Variants in SH3RF3 observed in about 807,000 individuals in gnomAD.
SH3RF3 encodes E3 ubiquitin-protein ligase SH3RF3.
SH3RF3 carries 29 observed loss-of-function variants against 66.3 expected under a neutral mutation model. The observed-to-expected ratio is 0.44, with a 90% CI of 0.33 to 0.60. The LOEUF is 0.60. SH3RF3 is among the 20% of genes least tolerant of loss of function. The pLI is 0.04. For missense variants in SH3RF3, 1,194 were observed against 1,190.9 expected (o/e 1.00, Z -0.04); for synonymous variants, 583 against 532.0 (o/e 1.10, Z -1.32).
rs114656011 is a variant in SH3RF3, at chr2:109,275,536, C to T, written c.574-72138C>T. Among the ~76,000 whole-genome samples the T allele has an allele frequency of 3.4e-3, 522 of 152,266 alleles. 1 individual carries two copies. The highest frequency in any genetic ancestry group is 6.0e-3 in the Admixed American group (91 of 15,294). On this transcript the variant is annotated intron_variant, in intron 1 of 9. Coordinates refer to ENST00000309415, the MANE Select transcript of SH3RF3 (RefSeq NM_001099289.3). ...CCCGATGACCTAGTTGACTAGAAAGCGTCACAGGAAATGTGCAAGTTGGCT... is the reference window on the plus strand; with the variant it reads ...CCCGATGACCTAGTTGACTAGAAAGTGTCACAGGAAATGTGCAAGTTGGCT...
At chr2:109,183,907 G>A (rs964669167) in intron 1 of SH3RF3, among the ~76,000 whole-genome samples, 1 of 152,208 alleles carries the variant, frequency 6.6e-6, no homozygotes, top group Non-Finnish European at 1.5e-5. Flanking sequence ...TAGAATCCCA[G>A]AGACCTGTGC....
At chr2:109,282,312 G>A (rs1195121132) in intron 1 of SH3RF3, among the ~76,000 whole-genome samples, 3 of 152,038 alleles carry the variant, frequency 2.0e-5, no homozygotes, top group African/African-American at 7.2e-5. Flanking sequence ...GTTCATAATT[G>A]GTGCAAGTTG....
chr2:109,350,632 A>G (rs1682817616), intron 2 of SH3RF3, among the ~76,000 whole-genome samples: 1 of 152,186 alleles, frequency 6.6e-6, no homozygotes, highest in Non-Finnish European at 1.5e-5. Flanking sequence ...GGGCAACTCC[A>G]TGTGACTCTC....
chr2:109,309,647 A>G lies in SH3RF3; in HGVS notation c.574-38027A>G, dbSNP rs570704173. On this transcript the variant is annotated intron_variant, in intron 1 of 9. Coordinates refer to ENST00000309415, the MANE Select transcript of SH3RF3 (RefSeq NM_001099289.3). Reference sequence around the variant, plus strand: ...ACACACATAGGCTGAAAATAAAAGGATGGAGGAAGATCTACCAAGCAAATG... The same window carrying G: ...ACACACATAGGCTGAAAATAAAAGGGTGGAGGAAGATCTACCAAGCAAATG... Among the ~76,000 whole-genome samples, 3 of 128,574 alleles carry G rather than the reference A, an allele frequency of 2.3e-5. 1 individual carries two copies. Among genetic ancestry groups the G allele is most frequent in the African/African-American group, 7.6e-5 (2 of 26,330 alleles). 84.3% of individuals were successfully genotyped at this position (128,574 alleles called of 152,430 possible). A position where few individuals can be genotyped will look rare whatever the true frequency, so the allele number is the denominator to read the frequency against.
intron 1 of SH3RF3, among the ~76,000 whole-genome samples, chr2:109,179,552 CT>C (rs962893649): frequency 1.3e-5 from 2 of 152,164 alleles, no homozygotes; most frequent in African/African-American, 4.8e-5. Context: ...GTTCTGGAGA[CT>C]GGGAAGTCCA....
intron 8 of SH3RF3, among the ~76,000 whole-genome samples, chr2:109,450,270 C>CG (rs1559090061): frequency 6.6e-6 from 1 of 151,776 alleles, no homozygotes; most frequent in African/African-American, 2.4e-5. Context: ...CACTGGAAAC[C>CG]GGGGGGCAGA....
At chr2:109,217,222 C>A in intron 1 of SH3RF3, among the ~76,000 whole-genome samples, 1 of 152,174 alleles carries the variant, frequency 6.6e-6, no homozygotes, top group East Asian at 1.9e-4. Context: ...ATTCTGGGAG[C>A]AATCACTCTT....
At chr2:109,223,185 A>G (rs2105156074) in intron 1 of SH3RF3, among the ~76,000 whole-genome samples, 1 of 152,338 alleles carries the variant, frequency 6.6e-6, no homozygotes, top group South Asian at 2.1e-4. Flanking sequence ...GCTGCCACAG[A>G]TCATGAATGC....
chr2:109,142,311 T>C (rs1161054426), intron 1 of SH3RF3, among the ~76,000 whole-genome samples: 1 of 152,192 alleles, frequency 6.6e-6, no homozygotes, highest in East Asian at 1.9e-4. Context: ...TACAGTCTTA[T>C]TTTTTCTTAA....
chr2:109,191,978 G>A (rs534327203), intron 1 of SH3RF3, among the ~76,000 whole-genome samples: 2 of 152,194 alleles, frequency 1.3e-5, no homozygotes, highest in East Asian at 3.9e-4. Flanking sequence ...TCACACTCCA[G>A]CCCCTACAAA....
At chr2:109,346,458 A>G (rs749589602) in intron 1 of SH3RF3, among the ~76,000 whole-genome samples, 2 of 152,184 alleles carry the variant, frequency 1.3e-5, no homozygotes, top group Non-Finnish European at 2.9e-5. Flanking sequence ...TGGTGAGAAA[A>G]TGCGGCTTCT....
chr2:109,324,594 T>C (rs939222747), intron 1 of SH3RF3, among the ~76,000 whole-genome samples: 1 of 152,242 alleles, frequency 6.6e-6, no homozygotes, highest in African/African-American at 2.4e-5. Flanking sequence ...TGTTGACTAA[T>C]ATTTGCAAAG....
intron 8 of SH3RF3, among the ~76,000 whole-genome samples, chr2:109,481,670 AGGGCTCT>A (rs1461065106): frequency 6.6e-6 from 1 of 152,158 alleles, no homozygotes; most frequent in African/African-American, 2.4e-5. Flanking sequence ...ATGTGGATGG[AGGGCTCT>A]GCCTCGCAGC....
chr2:109,276,280 C>T (rs1680756507), intron 1 of SH3RF3, among the ~76,000 whole-genome samples: 1 of 152,220 alleles, frequency 6.6e-6, no homozygotes, highest in Non-Finnish European at 1.5e-5. Context: ...AAGTTATTTG[C>T]TCTAGAAAAG....
At chr2:109,251,429 A>G (rs1407362032) in intron 1 of SH3RF3, 2 of 710,884 alleles carry the variant, frequency 2.8e-6, no homozygotes, top group East Asian at 2.8e-5. Context: ...ACCATGAGCA[A>G]AGCTCACCCT....
At chr2:109,209,241 G>A (rs1678910474) in intron 1 of SH3RF3, among the ~76,000 whole-genome samples, 1 of 152,194 alleles carries the variant, frequency 6.6e-6, no homozygotes, top group African/African-American at 2.4e-5. Flanking sequence ...TGGGCTGTAG[G>A]AAAACTGAGA....
At chr2:109,456,191 C>T (rs1362903011) in intron 8 of SH3RF3, among the ~76,000 whole-genome samples, 1 of 152,176 alleles carries the variant, frequency 6.6e-6, no homozygotes, top group Non-Finnish European at 1.5e-5. Flanking sequence ...GCCACTTGTG[C>T]CTGGCAGCTC....
chr2:109,432,445 G>A (rs933082641), intron 5 of SH3RF3, 56 bp from the exon 6 acceptor site: 71 of 1,598,350 alleles, frequency 4.4e-5, no homozygotes, highest in Admixed American at 2.4e-4. Context: ...AATGCCGGCC[G>A]GTCCCCTATC....
chr2:109,422,132 G>C (rs1477406062), intron 5 of SH3RF3, among the ~76,000 whole-genome samples: 3 of 152,214 alleles, frequency 2.0e-5, no homozygotes, highest in African/African-American at 7.2e-5. Flanking sequence ...AATAGCCTCT[G>C]TAAGTCACGT....
Sources: allele counts gnomAD v4.1 joint callset (sites outside exome capture counted in the v4.1 genomes callset), GRCh38; gene constraint gnomAD v4.1.1; transcripts MANE v1.5; gene names NCBI Gene and HGNC (gene_info 2026-07-23, HGNC 2026-07-21).